The following MARCHF10 variants were observed in gnomAD, a reference collection of about 807,000 sequenced individuals.
MARCHF10 encodes probable E3 ubiquitin-protein ligase MARCHF10.
In MARCHF10, 64 loss-of-function variants were observed where a neutral mutation model predicts 76.2. That is an observed-to-expected ratio of 0.84 (90% CI 0.69 to 1.03). The LOEUF (loss-of-function observed/expected upper bound fraction) is 1.03. Among genes scored for constraint, MARCHF10 ranks in the 50% least tolerant of loss-of-function variants. The pLI, the probability that MARCHF10 is intolerant of heterozygous loss-of-function variation, is 0.00. For synonymous variants in MARCHF10, 340 were observed against 357.5 expected (o/e 0.95, Z 0.55); for missense variants, 875 against 958.0 (o/e 0.91, Z 1.14).
At chr17:62,758,481 A>C (rs1279197957) in intron 4 of MARCHF10, among the ~76,000 whole-genome samples, 2 of 152,228 alleles carry the variant, frequency 1.3e-5, no homozygotes, top group Non-Finnish European at 2.9e-5. Context: ...GAATGACCTT[A>C]CCTGCTCTAT....
chr17:62,708,015 T>C (rs1019037460), intron 9 of MARCHF10, among the ~76,000 whole-genome samples: 9 of 152,124 alleles, frequency 5.9e-5, no homozygotes, highest in Non-Finnish European at 1.3e-4. Context: ...GGAGGATCAC[T>C]TGAGCCCAGG....
chr17:62,702,340 T>A (rs113347069), intron 10 of MARCHF10, among the ~76,000 whole-genome samples: 3,233 of 149,850 alleles, frequency 0.022, 117 homozygotes, highest in African/African-American at 0.067. Flanking sequence ...CTTGAGTGAA[T>A]GCTCTCTGAC....
chr17:62,761,730 A>G (rs951222176), intron 3 of MARCHF10, among the ~76,000 whole-genome samples: 1 of 152,170 alleles, frequency 6.6e-6, no homozygotes, highest in African/African-American at 2.4e-5. Context: ...CTAAAACATT[A>G]GGTCATTTCT....
rs141021162 is a variant in MARCHF10 at position 62,759,956 on chromosome 17, T to C, written c.261A>G (p.Ile87Met). 124 of 1,614,036 alleles carry C rather than the reference T, an allele frequency of 7.7e-5. No homozygotes were observed. The highest frequency in any genetic ancestry group is 9.9e-5 in the Non-Finnish European group (117 of 1,180,022). The stretch of plus-strand genomic sequence containing the variant: ...GTTTGGAGTCACACTTAAATGCAGA[T>C]ATCTTGATAGATGACCTTGGTTCAG... ...ALTEPRSSIK[I>M]SAFKCDSKLP... Residue 87 changes from isoleucine to methionine, a missense_variant, in exon 4 of 11, where the codon ATA becomes ATG. Coordinates refer to ENST00000311269, the MANE Select transcript of MARCHF10 (RefSeq NM_152598.4).
intron 3 of MARCHF10, among the ~76,000 whole-genome samples, chr17:62,781,457 G>A (rs1323681316): frequency 3.9e-5 from 6 of 152,186 alleles, no homozygotes; most frequent in Non-Finnish European, 7.3e-5. Context: ...GTAATGAGAG[G>A]CAGAGCTGGC....
chr17:62,766,001 C>T (rs1410758447), intron 3 of MARCHF10, among the ~76,000 whole-genome samples: 1 of 150,174 alleles, frequency 6.7e-6, no homozygotes, highest in East Asian at 2.0e-4. Flanking sequence ...TGAGACCAGC[C>T]TGGGCAACAT....
intron 1 of MARCHF10, among the ~76,000 whole-genome samples, chr17:62,804,561 T>C (rs964437909): frequency 2.0e-5 from 3 of 152,110 alleles, no homozygotes; most frequent in Non-Finnish European, 2.9e-5. Context: ...GGTGAGAGCA[T>C]TCATTGGAGT....
chr17:62,788,335 C>T, intron 3 of MARCHF10, 145 bp downstream of exon 3: 3 of 1,089,388 alleles, frequency 2.8e-6, no homozygotes, highest in Non-Finnish European at 3.9e-6. Flanking sequence ...CTCCTTCCTG[C>T]CCCTGGCTCT....
intron 2 of MARCHF10, among the ~76,000 whole-genome samples, chr17:62,793,589 C>T (rs1386544381): frequency 1.5e-5 from 2 of 133,754 alleles, no homozygotes; most frequent in African/African-American, 2.8e-5. Context: ...ACCATCACCA[C>T]CCACCACCAC....
chr17:62,704,163 G>A (rs2089427328), intron 10 of MARCHF10, among the ~76,000 whole-genome samples: 1 of 151,472 alleles, frequency 6.6e-6, no homozygotes, highest in Non-Finnish European at 1.5e-5. Flanking sequence ...TCCGGAGCGG[G>A]AGGCCCTCGC....
intron 2 of MARCHF10, among the ~76,000 whole-genome samples, chr17:62,800,638 T>C (rs2093055965): frequency 6.6e-6 from 1 of 152,200 alleles, no homozygotes; most frequent in Non-Finnish European, 1.5e-5. Context: ...ACAGCAGTTC[T>C]GTGTTTTCCT....
rs959531273 is a variant in MARCHF10 at position 62,712,902 on chromosome 17, G to A, written c.2215-1558C>T. On this transcript the variant is annotated intron_variant, in intron 8 of 10. Transcript: ENST00000311269. The surrounding 1 kb of genome is among the most constrained non-coding windows in gnomAD (Gnocchi z 4.2). The stretch of plus-strand genomic sequence containing the variant: ...TGGGATTACAGGTGTGCACCACCAC[G>A]CCCAGCTAATTTTTGTATTTTTAGT... Among the ~76,000 whole-genome samples the A allele has an allele frequency of 6.6e-6, 1 of 151,936 alleles. No individual in the cohort carries two copies. Among genetic ancestry groups the A allele is most frequent in the Non-Finnish European group, 1.5e-5 (1 of 67,994 alleles).
chr17:62,745,486 G>A (rs1473207132), intron 4 of MARCHF10, among the ~76,000 whole-genome samples: 1 of 152,172 alleles, frequency 6.6e-6, no homozygotes, highest in Non-Finnish European at 1.5e-5. Context: ...CTACAGTTGG[G>A]ACACGCAATG....
chr17:62,723,660 G>A (rs1206627995), intron 7 of MARCHF10, among the ~76,000 whole-genome samples: 6 of 147,698 alleles, frequency 4.1e-5, no homozygotes, highest in African/African-American at 7.6e-5. Context: ...CCATACAAGC[G>A]TTGACATTTA....
At chr17:62,793,891 C>T (rs1308495074) in intron 2 of MARCHF10, among the ~76,000 whole-genome samples, 1 of 150,034 alleles carries the variant, frequency 6.7e-6, no homozygotes, top group Non-Finnish European at 1.5e-5. Flanking sequence ...CCACCACATC[C>T]ATCAACCACC....
chr17:62,757,719 T>C (rs2147938063), intron 4 of MARCHF10, among the ~76,000 whole-genome samples: 1 of 152,344 alleles, frequency 6.6e-6, no homozygotes, highest in African/African-American at 2.4e-5. Flanking sequence ...GGACGTGGTC[T>C]AGGGCCAGAA....
At chr17:62,779,205 G>A (rs927305378) in intron 3 of MARCHF10, among the ~76,000 whole-genome samples, 1 of 152,150 alleles carries the variant, frequency 6.6e-6, no homozygotes, top group Non-Finnish European at 1.5e-5. Context: ...AGCCTCCCAG[G>A]GTGGGGCCCC....
chr17:62,807,256 C>T (rs966239708), intron 1 of MARCHF10, among the ~76,000 whole-genome samples: 2 of 151,984 alleles, frequency 1.3e-5, no homozygotes, highest in Admixed American at 6.6e-5. Context: ...ACAAAGTTTA[C>T]GATTTGGGCC....
At position 62,801,881 on chromosome 17, in the gene MARCHF10, T is replaced by C; in HGVS notation, c.-17-129A>G. The C allele has an allele frequency of 5.6e-6, 4 of 711,638 alleles. No individual in the cohort carries two copies. The South Asian group carries it at 6.4e-5, about 11-fold the overall frequency. 44.1% of individuals were successfully genotyped at this position (711,638 alleles called of 1,614,324 possible). On this transcript the variant is annotated intron_variant, in intron 1 of 10. Coordinates refer to ENST00000311269, the MANE Select transcript of MARCHF10 (RefSeq NM_152598.4). ...ATTTCCCTTGTTTGAAAGGCACAGA[T>C]GCTCCTTTCAAGCTGAAGGGACTTC...
Sources: gnomAD v4.1 joint callset for allele counts (sites outside exome capture counted in the v4.1 genomes callset) on GRCh38, gnomAD v4.1.1 for gene constraint, Gnocchi (gnomAD v3.1) non-coding constraint, MANE v1.5 for transcripts, NCBI Gene and HGNC (gene_info 2026-07-23, HGNC 2026-07-21) for gene names.